The following PPP4R2 variants were observed in gnomAD, a reference collection of about 807,000 sequenced individuals.
PPP4R2 encodes the protein protein phosphatase 4 regulatory subunit 2, also known as serine/threonine-protein phosphatase 4 regulatory subunit 2.
A neutral mutation model predicts 47.2 loss-of-function variants in PPP4R2; 13 were observed. The ratio of observed to expected loss-of-function variants is 0.28; its 90% CI spans 0.18 to 0.44. The LOEUF is 0.44. PPP4R2 is among the 20% of genes least tolerant of loss of function. The pLI is 1.00. For missense variants in PPP4R2, 421 were observed against 491.2 expected (o/e 0.86, Z 1.35); for synonymous variants, 151 against 163.3 (o/e 0.92, Z 0.57).
chr3:73,019,872 A>G (rs1435576388), intron 2 of PPP4R2, among the ~76,000 whole-genome samples: 2 of 152,174 alleles, frequency 1.3e-5, no homozygotes, highest in Admixed American at 6.5e-5. Context: ...TTCCTAGAAT[A>G]TAATAGCCTT....
At chr3:73,010,170 G>A (rs951778192) in intron 2 of PPP4R2, among the ~76,000 whole-genome samples, 2 of 152,186 alleles carry the variant, frequency 1.3e-5, no homozygotes, top group African/African-American at 4.8e-5. Context: ...TGGCATGGAA[G>A]TAGGGCTTTT....
chr3:73,024,844 A>G (rs1575855636), intron 2 of PPP4R2, among the ~76,000 whole-genome samples: 1 of 152,224 alleles, frequency 6.6e-6, no homozygotes, highest in East Asian at 1.9e-4. Flanking sequence ...CCCAAAAGAA[A>G]ACTAGAAAAG....
At chr3:73,020,143 G>A (rs1253706488) in intron 2 of PPP4R2, among the ~76,000 whole-genome samples, 1 of 152,172 alleles carries the variant, frequency 6.6e-6, no homozygotes, top group Non-Finnish European at 1.5e-5. Context: ...TCTAAGATAA[G>A]TGTGCCAGCA....
At chr3:73,041,153 C>T (rs546186545) in intron 2 of PPP4R2, among the ~76,000 whole-genome samples, 1 of 152,136 alleles carries the variant, frequency 6.6e-6, no homozygotes, top group Admixed American at 6.5e-5. Flanking sequence ...CTAATCTGTC[C>T]TTTACCATAT....
chr3:73,028,493 T>C (rs1436585781), intron 2 of PPP4R2, among the ~76,000 whole-genome samples: 1 of 152,114 alleles, frequency 6.6e-6, no homozygotes, highest in Non-Finnish European at 1.5e-5. Flanking sequence ...AGTCTCGCTC[T>C]TCCACCAGGC....
intron 3 of PPP4R2, among the ~76,000 whole-genome samples, chr3:73,054,404 G>A (rs192806110): frequency 6.6e-6 from 1 of 152,208 alleles, no homozygotes; most frequent in East Asian, 1.9e-4. Flanking sequence ...GGATTCTAAT[G>A]GTATTTCTGA....
chr3:73,020,939 C>G (rs531346154), intron 2 of PPP4R2, among the ~76,000 whole-genome samples: 2 of 152,054 alleles, frequency 1.3e-5, no homozygotes, highest in South Asian at 4.1e-4. Context: ...GGCTTGGGCT[C>G]CAAGTACTAT....
intron 2 of PPP4R2, among the ~76,000 whole-genome samples, chr3:73,043,342 C>T (rs1289965861): frequency 2.6e-5 from 4 of 151,968 alleles, no homozygotes; most frequent in Admixed American, 1.3e-4. Context: ...CCTCAAATTC[C>T]CCTTTCTAAA....
intron 3 of PPP4R2, among the ~76,000 whole-genome samples, chr3:73,049,985 G>T (rs1232210596): frequency 2.6e-5 from 4 of 152,076 alleles, no homozygotes; most frequent in African/African-American, 9.7e-5. Context: ...TTGTCACCCA[G>T]GCTGGAGTGC....
intron 2 of PPP4R2, among the ~76,000 whole-genome samples, chr3:73,023,483 G>A (rs1380129249): frequency 6.6e-6 from 1 of 152,138 alleles, no homozygotes; most frequent in African/African-American, 2.4e-5. Flanking sequence ...ACAGTGCCTG[G>A]CCAGAATAAG....
intron 2 of PPP4R2, among the ~76,000 whole-genome samples, chr3:73,021,258 G>A (rs1474283126): frequency 6.7e-6 from 1 of 148,724 alleles, no homozygotes; most frequent in African/African-American, 2.5e-5. Context: ...TTTGTAACAG[G>A]ATCTTACTGT....
chr3:73,038,233 T>TA (rs1445776816), intron 2 of PPP4R2, among the ~76,000 whole-genome samples: 4 of 152,152 alleles, frequency 2.6e-5, no homozygotes, highest in South Asian at 4.1e-4. Context: ...TAGTACAAGT[T>TA]AAAAAACTCA....
chr3:73,020,295 C>T (rs957802410), intron 2 of PPP4R2, among the ~76,000 whole-genome samples: 2 of 152,080 alleles, frequency 1.3e-5, no homozygotes, highest in Non-Finnish European at 2.9e-5. Context: ...TCAAGCAGTC[C>T]TCCTGTCCTC....
intron 2 of PPP4R2, among the ~76,000 whole-genome samples, chr3:73,033,671 C>T (rs189533782): frequency 6.6e-6 from 1 of 152,288 alleles, no homozygotes; most frequent in Admixed American, 6.5e-5. Flanking sequence ...AAATTCTGTA[C>T]CCATTAAACA....
intron 7 of PPP4R2, 47 bp from the exon 8 acceptor site, chr3:73,064,805 A>T (rs1345425148): frequency 6.8e-7 from 1 of 1,473,352 alleles, no homozygotes; most frequent in East Asian, 2.3e-5. Flanking sequence ...GATGTAGAAG[A>T]TGGGGAAAAT....
At chr3:73,008,679 T>C (rs2107219559) in intron 2 of PPP4R2, among the ~76,000 whole-genome samples, 1 of 152,362 alleles carries the variant, frequency 6.6e-6, no homozygotes, top group Middle Eastern at 3.4e-3. Flanking sequence ...CCTTTAGTTG[T>C]TTCAACTGTT....
intron 3 of PPP4R2, among the ~76,000 whole-genome samples, chr3:73,055,417 CGTGTGTGTGTGTGTGTGT>C (rs10663655): frequency 4.5e-4 from 62 of 137,416 alleles, no homozygotes; most frequent in Middle Eastern, 3.4e-3. Context: ...AGTGGGGTAG[CGTGTGTGTGTGTGTGTGT>C]GTGTGTGTGT....
intron 2 of PPP4R2, among the ~76,000 whole-genome samples, chr3:73,034,965 AG>A (rs1414028429): frequency 6.6e-6 from 1 of 152,354 alleles, no homozygotes; most frequent in East Asian, 1.9e-4. Context: ...CAAGCTAAAA[AG>A]CTTCCGCACA....
At chr3:73,044,301 A>T (rs1304836604) in intron 2 of PPP4R2, among the ~76,000 whole-genome samples, 1 of 152,106 alleles carries the variant, frequency 6.6e-6, no homozygotes, top group East Asian at 1.9e-4. Context: ...AGCAATGCAC[A>T]AGAGTTTTGG....
Sources: allele counts gnomAD v4.1 joint callset (sites outside exome capture counted in the v4.1 genomes callset), GRCh38; gene constraint gnomAD v4.1.1; transcripts MANE v1.5; gene names NCBI Gene and HGNC (gene_info 2026-07-23, HGNC 2026-07-21).